The following C5 variants were observed in gnomAD, a reference collection of about 807,000 sequenced individuals.
The protein encoded by C5 is C3 and PZP-like alpha-2-macroglobulin domain-containing protein 4.
A neutral mutation model predicts 218.8 loss-of-function variants in C5; 140 were observed. That is an observed-to-expected ratio of 0.64 (90% confidence interval 0.56 to 0.74). The LOEUF is 0.74. C5 is among the 30% of genes least tolerant of loss of function. C5 has a pLI of 0.00. For missense variants in C5, 1,700 were observed against 1,969.6 expected (o/e 0.86, Z 2.59); for synonymous variants, 614 against 682.3 (o/e 0.90, Z 1.56).
rs780148284 is a variant in C5 at position 120,952,706 on chromosome 9, G to A, written c.*33C>T. 1.9e-6 allele frequency: 3 copies of A among 1,608,912 alleles called. No individual in the cohort carries two copies. Among genetic ancestry groups the A allele is most frequent in the African/African-American group, 2.7e-5 (2 of 74,806 alleles). The stretch of plus-strand genomic sequence containing the variant: ...GAACTTCAACAACAGGAGTCCATAA[G>A]TGCAAACTGTATGCAGCTGAACTTC... On this transcript the variant is annotated 3_prime_UTR_variant, in exon 41 of 41. Coordinates refer to ENST00000223642, the MANE Select transcript of C5 (RefSeq NM_001735.3).
intron 29 of C5, 150 bp from the exon 30 acceptor site, chr9:120,975,081 G>A (rs2046943457): frequency 7.3e-6 from 6 of 818,266 alleles, no homozygotes; most frequent in Admixed American, 2.1e-5. Context: ...CCCCATTGTG[G>A]AGGTGGAAGA....
chr9:120,975,370 T>A (rs1564136678), intron 29 of C5, among the ~76,000 whole-genome samples: 2 of 152,164 alleles, frequency 1.3e-5, no homozygotes, highest in Non-Finnish European at 2.9e-5. Context: ...ATGCTTTTAT[T>A]TATAGTTTAT....
intron 25 of C5, 40 bp from the exon 26 acceptor site, chr9:120,982,854 G>A (rs777102622): frequency 1.7e-6 from 2 of 1,171,730 alleles, no homozygotes; most frequent in Non-Finnish European, 2.5e-6. Flanking sequence ...TTAGAACGCT[G>A]AATCCCTTTT....
intron 25 of C5, among the ~76,000 whole-genome samples, chr9:120,986,654 C>T (rs1026331233): frequency 3.9e-5 from 6 of 152,186 alleles, no homozygotes; most frequent in Non-Finnish European, 8.8e-5. Flanking sequence ...CATCTATTTC[C>T]CAGGTCCTGC....
intron 2 of C5, among the ~76,000 whole-genome samples, chr9:121,045,718 G>T (rs1413289195): frequency 6.6e-6 from 1 of 152,114 alleles, no homozygotes; most frequent in African/African-American, 2.4e-5. Flanking sequence ...ACTGCAGGTT[G>T]TCAATGAGAG....
At chr9:120,966,609 C>A (rs1027077450) in intron 33 of C5, among the ~76,000 whole-genome samples, 1 of 152,084 alleles carries the variant, frequency 6.6e-6, no homozygotes, top group African/African-American at 2.4e-5. Flanking sequence ...ACAACTGTTA[C>A]AAATTTAAAG....
In C5 at chr9:120,971,508, G is replaced by A. The variant is rs768417835; in HGVS notation, c.4080+422C>T. ...GGCTGCAGTGCAGTTGTGCCATCTC[G>A]GCTCACTGCAACCTCTGCCTCCCAG... On this transcript the variant is annotated intron_variant, in intron 31 of 40. Coordinates refer to ENST00000223642, the MANE Select transcript of C5 (RefSeq NM_001735.3). Among the ~76,000 whole-genome samples, 43 of 152,078 alleles carry A rather than the reference G, an allele frequency of 2.8e-4. 1 individual carries two copies. Among genetic ancestry groups the A allele is most frequent in the African/African-American group, 5.3e-4 (22 of 41,488 alleles).
chr9:121,007,051 C>T, intron 18 of C5, 74 bp from the exon 19 acceptor site: 1 of 1,198,888 alleles, frequency 8.3e-7, no homozygotes, highest in Admixed American at 1.7e-5. Flanking sequence ...CATCCATTAA[C>T]AGAATTTTTG....
rs377272183 is a variant in C5, at chr9:120,997,853, A to C, written c.2563-79T>G. 173 of 1,214,422 alleles carry C rather than the reference A, an allele frequency of 1.4e-4. No homozygotes were observed. The African/African-American group carries it at 2.3e-3, about 16-fold the overall frequency. The allele number at this position is 1,214,422 out of a possible 1,614,324, so 75.2% of individuals were successfully genotyped here. On this transcript the variant is annotated intron_variant, in intron 20 of 40. Transcript: ENST00000223642. ...AGTCTTGCTATGTCGCCCAGGCTGG[A>C]GTGCAGCGGCATGATCTCAGCTCAC...
intron 2 of C5, 35 bp downstream of exon 2, chr9:121,046,156 T>C: frequency 1.9e-6 from 2 of 1,076,016 alleles, no homozygotes; most frequent in South Asian, 1.4e-5. Context: ...ATATTCTGTA[T>C]ATATATATAA....
intron 10 of C5, among the ~76,000 whole-genome samples, chr9:121,022,219 G>A (rs1040667823): frequency 2.6e-5 from 4 of 151,968 alleles, no homozygotes; most frequent in East Asian, 3.9e-4. Context: ...TGAGGCAATC[G>A]CTTCTGGGAA....
intron 33 of C5, among the ~76,000 whole-genome samples, chr9:120,968,486 T>C (rs1230823784): frequency 6.6e-6 from 1 of 152,246 alleles, no homozygotes; most frequent in Non-Finnish European, 1.5e-5. Flanking sequence ...TTTAAACCAT[T>C]ACATTTGCAA....
chr9:120,995,540 A>T (rs2047109647), intron 22 of C5, among the ~76,000 whole-genome samples: 1 of 152,126 alleles, frequency 6.6e-6, no homozygotes, highest in Admixed American at 6.6e-5. Context: ...TTGTTTAGTG[A>T]TTAATTAGCA....
intron 1 of C5, among the ~76,000 whole-genome samples, chr9:121,047,300 A>G (rs1317843079): frequency 6.6e-6 from 1 of 152,146 alleles, no homozygotes; most frequent in African/African-American, 2.4e-5. Context: ...GGTCAAGTTT[A>G]TATGTTATTC....
At chr9:120,968,951 C>G in intron 33 of C5, 110 bp downstream of exon 33, 1 of 893,878 alleles carries the variant, frequency 1.1e-6, no homozygotes, top group South Asian at 1.4e-5. Flanking sequence ...AACAATTGAA[C>G]AATTTTGTAT....
the C5 span, among the ~76,000 whole-genome samples, chr9:121,072,810 A>AT: frequency 7.7e-6 from 1 of 129,522 alleles, no homozygotes; most frequent in Non-Finnish European, 1.6e-5. Context: ...TGTTCAAAAA[A>AT]TTAAAAAAAA....
the C5 span, among the ~76,000 whole-genome samples, chr9:121,068,439 A>G: frequency 5.9e-5 from 9 of 152,172 alleles, no homozygotes; most frequent in Non-Finnish European, 1.2e-4. Flanking sequence ...AAAGACTGCT[A>G]CAAGGAAAAC....
chr9:121,058,961 C>A, the C5 span, among the ~76,000 whole-genome samples: 2 of 152,152 alleles, frequency 1.3e-5, no homozygotes, highest in East Asian at 3.8e-4. Flanking sequence ...GACCACCAGG[C>A]AGATGGCAGA....
chr9:121,042,570 G>T (rs541016240), intron 3 of C5, among the ~76,000 whole-genome samples: 59 of 152,216 alleles, frequency 3.9e-4, no homozygotes, highest in Non-Finnish European at 7.1e-4. Context: ...AATTATATTT[G>T]CAATTAAGTC....
Sources: gnomAD v4.1 joint callset for allele counts (sites outside exome capture counted in the v4.1 genomes callset) on GRCh38, gnomAD v4.1.1 for gene constraint, MANE v1.5 for transcripts, NCBI Gene and HGNC (gene_info 2026-07-23, HGNC 2026-07-21) for gene names.